STS: variants seen among roughly 807,000 people sequenced by gnomAD.
STS encodes the protein steryl-sulfatase.
STS carries 7 observed loss-of-function variants against 26.8 expected under a neutral mutation model. That is an observed-to-expected ratio of 0.26 (90% CI 0.15 to 0.49). The LOEUF (loss-of-function observed/expected upper bound fraction) is 0.49, where lower values mean the gene tolerates loss of function less well. Among genes scored for constraint, STS ranks in the 20% least tolerant of loss-of-function variants. The probability of loss-of-function intolerance (pLI) is 0.98; values close to 1 mark genes in which losing one functional copy is unlikely to be tolerated. For synonymous variants in STS, 199 were observed against 189.4 expected (o/e 1.05, Z -0.42); for missense variants, 434 against 465.6 (o/e 0.93, Z 0.63).
At chrX:7,240,521 G>A (rs1235189731) in intron 2 of STS, among the ~76,000 whole-genome samples, 3 of 26,468 alleles carry the variant, frequency 1.1e-4, no homozygotes, top group Admixed American at 5.3e-4. Flanking sequence ...GTGTGTGTGT[G>A]TGTGTGTGTG....
At chrX:7,291,843 T>C (rs749812726) in intron 7 of STS, among the ~76,000 whole-genome samples, 1 of 112,052 alleles carries the variant, frequency 8.9e-6, no homozygotes, top group South Asian at 3.7e-4. Flanking sequence ...ATGACAAAAT[T>C]ACAGCATTTT....
intron 2 of STS, among the ~76,000 whole-genome samples, chrX:7,209,788 CA>C (rs1391212401): frequency 9.1e-6 from 1 of 109,540 alleles, no homozygotes; most frequent in Non-Finnish European, 1.9e-5. Flanking sequence ...CCCCCACCCC[CA>C]AATAGGCCCT....
Position 7,259,549 on chromosome X carries a change from C to T in STS, c.583C>T (p.Leu195Phe). 8.3e-7 allele frequency: 1 copy of T among 1,211,885 alleles called. No individual in the cohort carries two copies. The highest frequency in any genetic ancestry group is 1.7e-5 in the African/African-American group (1 of 57,879). Residue 195 changes from leucine (L) to phenylalanine (F), a missense_variant, in exon 6 of 11, where the codon CTT (leucine) becomes TTT (phenylalanine). Around this residue, in one of 2 missense-constraint regions of STS, gnomAD observed 229 missense variants for 288.3 expected, o/e 0.79. Transcript: ENST00000674429. ...LQIVGVTLLT[L>F]AALNCLGLLH... ...GATCGTCGGGGTCACCCTCCTTACC[C>T]TTGCTGCACTCAATTGTCTGGGGCT... is the stretch of plus-strand genomic sequence containing the variant.
intron 1 of STS, among the ~76,000 whole-genome samples, chrX:7,176,284 C>T (rs1933568634): frequency 9.0e-6 from 1 of 111,575 alleles, no homozygotes; most frequent in Admixed American, 9.6e-5. Flanking sequence ...TCCATGGTAA[C>T]AGCCAGTGAG....
intron 7 of STS, among the ~76,000 whole-genome samples, chrX:7,303,704 G>T (rs1232001278): frequency 1.8e-5 from 2 of 111,795 alleles, no homozygotes; most frequent in African/African-American, 6.5e-5. Flanking sequence ...TGTGGAAATT[G>T]TACATTGTCT....
At position 7,351,621 on chromosome X, in the gene STS, C is replaced by T. The variant is rs1486824676; in HGVS notation, c.*1360C>T. ...TCCTTTATGGCAAAATCGAGAGAAGCTGCCATCCACCTGCTTATGCATTTA... is the reference window on the plus strand; with the variant it reads ...TCCTTTATGGCAAAATCGAGAGAAGTTGCCATCCACCTGCTTATGCATTTA... On this transcript the variant is annotated 3_prime_UTR_variant, in exon 11 of 11. Transcript: ENST00000674429. The T allele has an allele frequency of 1.8e-5, 2 of 111,899 alleles. No individual in the cohort carries two copies. Among genetic ancestry groups the T allele is most frequent in the African/African-American group, 6.5e-5 (2 of 30,762 alleles). The allele number at this position is 111,899 out of a possible 1,213,427, so 9.2% of individuals were successfully genotyped here.
intron 1 of STS, among the ~76,000 whole-genome samples, chrX:7,161,540 G>A (rs1933245708): frequency 8.9e-6 from 1 of 111,792 alleles, no homozygotes; most frequent in South Asian, 3.7e-4. Context: ...TTTCCCCAAA[G>A]AGAGATGCTA....
chrX:7,255,054 AAAATT>A (rs1455500975), intron 3 of STS, among the ~76,000 whole-genome samples: 12 of 112,539 alleles, frequency 1.1e-4, no homozygotes, highest in African/African-American at 3.9e-4. Context: ...AGACCAAACA[AAAATT>A]AAATAGATTA....
chrX:7,156,932 G>A (rs1369039688), intron 1 of STS, among the ~76,000 whole-genome samples: 2 of 111,449 alleles, frequency 1.8e-5, no homozygotes, highest in Admixed American at 1.9e-4. Flanking sequence ...ACAAGGAGGG[G>A]GTCCCCAAAC....
intron 9 of STS, among the ~76,000 whole-genome samples, chrX:7,330,496 C>A (rs1369406965): frequency 8.9e-6 from 1 of 112,133 alleles, no homozygotes; most frequent in Non-Finnish European, 1.9e-5. Flanking sequence ...AGCTTGTGGT[C>A]CATAATTAAA....
At chrX:7,192,761 T>G (rs1435310535) in intron 2 of STS, among the ~76,000 whole-genome samples, 1 of 111,645 alleles carries the variant, frequency 9.0e-6, no homozygotes, top group African/African-American at 3.3e-5. Context: ...GTAGTAGTTA[T>G]GTGTCAGGGT....
chrX:7,320,065 TTTA>T (rs1926938447), intron 8 of STS, among the ~76,000 whole-genome samples: 2 of 89,326 alleles, frequency 2.2e-5, no homozygotes, highest in Admixed American at 1.4e-4. Flanking sequence ...ATATATATAT[TTTA>T]TATATATTTT....
At chrX:7,154,835 A>T (rs1424001221) in intron 1 of STS, among the ~76,000 whole-genome samples, 1 of 112,756 alleles carries the variant, frequency 8.9e-6, no homozygotes. Context: ...CAGCAAAAAA[A>T]AATAAGGAAA....
intron 1 of STS, among the ~76,000 whole-genome samples, chrX:7,182,178 A>T (rs1448863290): frequency 8.9e-6 from 1 of 111,846 alleles, no homozygotes; most frequent in Non-Finnish European, 1.9e-5. Context: ...TTATCTATCA[A>T]TCATAGAGCA....
chrX:7,193,311 T>C (rs1341886328), intron 2 of STS, among the ~76,000 whole-genome samples: 1 of 112,424 alleles, frequency 8.9e-6, no homozygotes, highest in African/African-American at 3.2e-5. Context: ...TTATTGATAA[T>C]ACACGGGCTG....
chrX:7,168,131 T>C (rs1933389147), intron 1 of STS, among the ~76,000 whole-genome samples: 1 of 111,031 alleles, frequency 9.0e-6, no homozygotes, highest in Admixed American at 9.6e-5. Flanking sequence ...GAAGGTGTAT[T>C]GTTGTATTGT....
chrX:7,278,291 G>A (rs1262249734), intron 7 of STS, among the ~76,000 whole-genome samples: 24 of 111,988 alleles, frequency 2.1e-4, no homozygotes, highest in Non-Finnish European at 1.7e-4. Context: ...TACACAGGAC[G>A]GGACTGTTGG....
At chrX:7,219,727 C>T (rs1921466189) in intron 2 of STS, 3 of 1,200,184 alleles carry the variant, frequency 2.5e-6, no homozygotes, top group Non-Finnish European at 3.4e-6. Context: ...AGTTTTTAAC[C>T]CTGAAACATA....
chrX:7,261,144 G>A (rs1373475638), intron 6 of STS, among the ~76,000 whole-genome samples: 12 of 111,816 alleles, frequency 1.1e-4, no homozygotes. Flanking sequence ...TTGTAACTGT[G>A]GAGAACAGGA....
Sources: allele counts gnomAD v4.1 joint callset (sites outside exome capture counted in the v4.1 genomes callset), GRCh38; gene constraint gnomAD v4.1.1; regional missense constraint gnomAD v4.1.1; transcripts MANE v1.5; gene names NCBI Gene and HGNC (gene_info 2026-07-23, HGNC 2026-07-21).